PCDH15: variants seen among roughly 807,000 people sequenced by gnomAD.
PCDH15 encodes protocadherin-15.
PCDH15 carries 129 observed loss-of-function variants against 178.5 expected under a neutral mutation model. The ratio of observed to expected loss-of-function variants is 0.72; its 90% CI spans 0.63 to 0.84. The LOEUF (loss-of-function observed/expected upper bound fraction) is 0.84. Among genes scored for constraint, PCDH15 ranks in the 40% least tolerant of loss-of-function variants. The pLI, the probability that PCDH15 is intolerant of heterozygous loss-of-function variation, is 0.00. For missense variants in PCDH15, 2,230 were observed against 2,099.9 expected (o/e 1.06, Z -1.21); for synonymous variants, 800 against 732.0 (o/e 1.09, Z -1.50).
At chr10:54,966,579 A>G (rs1359428748) in intron 2 of PCDH15, among the ~76,000 whole-genome samples, 1 of 152,104 alleles carries the variant, frequency 6.6e-6, no homozygotes, top group Admixed American at 6.6e-5. Context: ...ACCCACCCAA[A>G]TCTCATCTTG....
At position 55,571,529 on chromosome 10, in the gene PCDH15, A is replaced by C. The variant is rs1260608900; in HGVS notation, c.-156+56096T>G. Among the ~76,000 whole-genome samples, 5 of 152,222 alleles carry C rather than the reference A, an allele frequency of 3.3e-5. No homozygotes were observed. The South Asian group carries it at 6.2e-4, about 19-fold the overall frequency. ...GTAATAATTTAAGAATTCCACAGTGAAGAACTCCTTCATTACACATCAATG... is the reference window on the plus strand; with the variant it reads ...GTAATAATTTAAGAATTCCACAGTGCAGAACTCCTTCATTACACATCAATG... On this transcript the variant is annotated intron_variant, in intron 2 of 5. Coordinates refer to the PCDH15 transcript ENST00000613346.
chr10:54,913,378 G>A (rs1036234404), intron 2 of PCDH15, among the ~76,000 whole-genome samples: 5 of 152,188 alleles, frequency 3.3e-5, no homozygotes, highest in African/African-American at 1.2e-4. Flanking sequence ...AGCATTGGCA[G>A]CTTCCATATG....
At chr10:55,347,169 C>T (rs554121096) in intron 2 of PCDH15, among the ~76,000 whole-genome samples, 2 of 151,782 alleles carry the variant, frequency 1.3e-5, no homozygotes, top group African/African-American at 2.4e-5. Flanking sequence ...GAGATGAGAT[C>T]GTGCAACTGC....
intron 2 of PCDH15, among the ~76,000 whole-genome samples, chr10:55,517,719 T>C (rs1841053853): frequency 6.6e-6 from 1 of 152,160 alleles, no homozygotes; most frequent in African/African-American, 2.4e-5. Context: ...TCGCAGCTTA[T>C]TTCTAGTAGC....
chr10:54,701,184 A>G (rs1013987037), intron 1 of PCDH15, among the ~76,000 whole-genome samples: 1 of 152,112 alleles, frequency 6.6e-6, no homozygotes, highest in Non-Finnish European at 1.5e-5. Flanking sequence ...AATTCCAACC[A>G]AAAATTTCAT....
chr10:55,314,903 C>T (rs1843684932), intron 1 of PCDH15, among the ~76,000 whole-genome samples: 1 of 152,032 alleles, frequency 6.6e-6, no homozygotes, highest in Admixed American at 6.6e-5. Context: ...TATTGTTTCA[C>T]AATGAATTAA....
At chr10:54,061,998 G>A (rs1275345603) in intron 18 of PCDH15, among the ~76,000 whole-genome samples, 1 of 151,890 alleles carries the variant, frequency 6.6e-6, no homozygotes, top group Non-Finnish European at 1.5e-5. Context: ...GCCAAGGCGG[G>A]CAGATCACCT....
chr10:54,396,528 T>G (rs1167683559), intron 3 of PCDH15, among the ~76,000 whole-genome samples: 1 of 152,162 alleles, frequency 6.6e-6, no homozygotes, highest in Admixed American at 6.6e-5. Flanking sequence ...TTTAGTATTT[T>G]CTGGCTGACA....
intron 2 of PCDH15, among the ~76,000 whole-genome samples, chr10:55,051,437 T>G (rs1841158083): frequency 6.6e-6 from 1 of 152,288 alleles, no homozygotes; most frequent in African/African-American, 2.4e-5. Flanking sequence ...TTAAAATATT[T>G]ATTGTTTAAA....
rs762138321 is a variant in PCDH15, at chr10:53,866,693, A to C, written c.3666T>G (p.Val1222=). The change falls in exon 27 of 38, where the codon GTT becomes GTG. Residue 1222 remains valine (V), a synonymous_variant. Coordinates refer to ENST00000644397, the MANE Select transcript of PCDH15 (RefSeq NM_001384140.1). ...CCTTCCCATAGTCGTCAGTTGCAAT[A>C]ACTTGAAACTTGAAGTAGGATCTCC... is the stretch of plus-strand genomic sequence containing the variant. ...NMRRSYFKFQ[V]IATDDYGKGL... 1.9e-5 allele frequency: 30 copies of C among 1,613,482 alleles called. No homozygotes were observed. Among genetic ancestry groups the C allele is most frequent in the Non-Finnish European group, 2.4e-5 (28 of 1,179,698 alleles).
chr10:55,116,512 G>A (rs1837632466), intron 2 of PCDH15, among the ~76,000 whole-genome samples: 1 of 152,102 alleles, frequency 6.6e-6, no homozygotes, highest in Non-Finnish European at 1.5e-5. Context: ...TCAGGGAAAA[G>A]TTGGAGATAT....
intron 21 of PCDH15, among the ~76,000 whole-genome samples, chr10:53,977,519 T>C (rs762408842): frequency 1.3e-5 from 2 of 152,146 alleles, no homozygotes; most frequent in Non-Finnish European, 2.9e-5. Context: ...GTATAACACA[T>C]GGGGATTATG....
intron 14 of PCDH15, 90 bp downstream of exon 14, chr10:54,153,010 G>T: frequency 7.2e-7 from 1 of 1,387,294 alleles, no homozygotes; most frequent in Non-Finnish European, 1.0e-6. Flanking sequence ...ATGTTTATAG[G>T]ATAAAAGAAT....
intron 3 of PCDH15, among the ~76,000 whole-genome samples, chr10:54,386,843 G>C (rs1157486591): frequency 3.3e-5 from 5 of 152,110 alleles, no homozygotes; most frequent in Non-Finnish European, 5.9e-5. Flanking sequence ...TGGAGAAATT[G>C]AAACACTACA....
intron 8 of PCDH15, among the ~76,000 whole-genome samples, chr10:54,266,939 A>G (rs2057731237): frequency 6.6e-6 from 1 of 151,834 alleles, no homozygotes; most frequent in African/African-American, 2.4e-5. Context: ...TACAAAACCT[A>G]TATCATCCTG....
chr10:55,298,772 T>A (rs2132275611), intron 1 of PCDH15, among the ~76,000 whole-genome samples: 1 of 152,154 alleles, frequency 6.6e-6, no homozygotes, highest in African/African-American at 2.4e-5. Context: ...TAGAGACGGT[T>A]TCACCACGTT....
intron 15 of PCDH15, among the ~76,000 whole-genome samples, chr10:54,130,381 C>T (rs533527939): frequency 1.3e-5 from 2 of 152,240 alleles, no homozygotes; most frequent in South Asian, 2.1e-4. Flanking sequence ...GATTTCGGCG[C>T]GGTCTGGCTC....
chr10:55,088,002 G>A (rs756259489), intron 2 of PCDH15, among the ~76,000 whole-genome samples: 1 of 151,988 alleles, frequency 6.6e-6, no homozygotes, highest in Non-Finnish European at 1.5e-5. Flanking sequence ...ATCTACACAT[G>A]TTATAAAAAC....
intron 2 of PCDH15, among the ~76,000 whole-genome samples, chr10:54,657,266 G>A (rs989646804): frequency 6.6e-6 from 1 of 152,146 alleles, no homozygotes; most frequent in African/African-American, 2.4e-5. Context: ...TCACATTCCT[G>A]TCTGCCCAGG....
Sources: gnomAD v4.1 joint callset for allele counts (sites outside exome capture counted in the v4.1 genomes callset) on GRCh38, gnomAD v4.1.1 for gene constraint, MANE v1.5 for transcripts, NCBI Gene and HGNC (gene_info 2026-07-23, HGNC 2026-07-21) for gene names.